Variants in ADAMTS12 observed in about 807,000 individuals in gnomAD.
ADAMTS12 encodes the protein ADAM metallopeptidase with thrombospondin type 1 motif 12.
ADAMTS12 carries 118 observed loss-of-function variants against 167.8 expected under a neutral mutation model. That is an observed-to-expected ratio of 0.70 (90% CI 0.61 to 0.82). The LOEUF (loss-of-function observed/expected upper bound fraction) is 0.82, where lower values mean the gene tolerates loss of function less well. Ranked by LOEUF, ADAMTS12 falls within the 40% of genes least tolerant of loss-of-function variation. The pLI is 0.00. For missense variants in ADAMTS12, 1,916 were observed against 1,998.8 expected (o/e 0.96, Z 0.79); for synonymous variants, 704 against 716.9 (o/e 0.98, Z 0.29).
chr5:33,702,405 T>A (rs186958571), intron 3 of ADAMTS12, among the ~76,000 whole-genome samples: 48 of 152,366 alleles, frequency 3.2e-4, no homozygotes, highest in African/African-American at 1.1e-3. Flanking sequence ...TGTGCCCATC[T>A]GAGTTCTCTT....
intron 5 of ADAMTS12, among the ~76,000 whole-genome samples, chr5:33,664,393 A>G (rs184395092): frequency 9.1e-4 from 139 of 152,320 alleles, no homozygotes; most frequent in African/African-American, 3.2e-3. Context: ...GATTTTTGAC[A>G]AAGGTAAAAA....
At chr5:33,767,953 A>T (rs1393677935) in intron 2 of ADAMTS12, among the ~76,000 whole-genome samples, 1 of 152,208 alleles carries the variant, frequency 6.6e-6, no homozygotes, top group Admixed American at 6.5e-5. Context: ...CATGAAATAA[A>T]CTCACTAATA....
intron 5 of ADAMTS12, among the ~76,000 whole-genome samples, chr5:33,681,090 T>A (rs1561211396): frequency 6.6e-6 from 1 of 152,216 alleles, no homozygotes; most frequent in East Asian, 1.9e-4. Flanking sequence ...ATAGGTTTCA[T>A]GTTGCCTGTT....
At chr5:33,779,453 TG>T (rs1227373470) in intron 2 of ADAMTS12, among the ~76,000 whole-genome samples, 1 of 152,162 alleles carries the variant, frequency 6.6e-6, no homozygotes, top group African/African-American at 2.4e-5. Flanking sequence ...CCCAAAGTGC[TG>T]GGATTACAGG....
At chr5:33,705,265 T>C (rs1743150818) in intron 3 of ADAMTS12, among the ~76,000 whole-genome samples, 1 of 111,086 alleles carries the variant, frequency 9.0e-6, no homozygotes, top group African/African-American at 3.5e-5. Flanking sequence ...TAGTATTCCA[T>C]GGTGTGTGTG....
At chr5:33,648,547 GTGTGA>G (rs1180397343) in intron 9 of ADAMTS12, among the ~76,000 whole-genome samples, 1 of 152,190 alleles carries the variant, frequency 6.6e-6, no homozygotes, top group African/African-American at 2.4e-5. Context: ...GAGTCTGCAG[GTGTGA>G]ATCACTGTGA....
Position 33,882,311 on chromosome 5 carries a change from G to A in ADAMTS12, c.128-831C>T, listed in dbSNP as rs573168272. Reference sequence around the variant, plus strand: ...CAGCAAAGAGTGCATAAAAGAAGCTGGGTTTTAAAAAAGTGTTTACCAAAT... The same window carrying A: ...CAGCAAAGAGTGCATAAAAGAAGCTAGGTTTTAAAAAAGTGTTTACCAAAT... On this transcript the variant is annotated intron_variant, in intron 1 of 23. Transcript: ENST00000504830. Among the ~76,000 whole-genome samples, 15 of 152,222 alleles carry A rather than the reference G, an allele frequency of 9.9e-5. No homozygotes were observed. In the East Asian group the frequency reaches 2.9e-3, roughly 29 times the overall value.
At chr5:33,605,293 T>A (rs1302830202) in intron 16 of ADAMTS12, among the ~76,000 whole-genome samples, 1 of 152,264 alleles carries the variant, frequency 6.6e-6, no homozygotes, top group Non-Finnish European at 1.5e-5. Flanking sequence ...CTAGCCACTG[T>A]ATTATTTCCC....
chr5:33,701,155 G>A (rs1214694719), intron 3 of ADAMTS12, among the ~76,000 whole-genome samples: 1 of 147,882 alleles, frequency 6.8e-6, no homozygotes, highest in Non-Finnish European at 1.5e-5. Context: ...ATAAATAAAT[G>A]AAAACAAGAT....
chr5:33,801,146 C>T (rs1209647894), intron 2 of ADAMTS12, among the ~76,000 whole-genome samples: 1 of 152,184 alleles, frequency 6.6e-6, no homozygotes, highest in African/African-American at 2.4e-5. Flanking sequence ...AGAGGGAGTG[C>T]AGTCTTGCTA....
intron 2 of ADAMTS12, among the ~76,000 whole-genome samples, chr5:33,771,975 G>A (rs1745755818): frequency 6.6e-6 from 1 of 151,918 alleles, no homozygotes; most frequent in Non-Finnish European, 1.5e-5. Flanking sequence ...TCCCACCTCA[G>A]CCTACCAAAC....
intron 2 of ADAMTS12, among the ~76,000 whole-genome samples, chr5:33,868,198 T>TA (rs1193785135): frequency 1.3e-5 from 2 of 152,150 alleles, no homozygotes; most frequent in Non-Finnish European, 2.9e-5. Flanking sequence ...AATGGACTAA[T>TA]ATAGAAAATT....
At chr5:33,559,045 C>T (rs1458205296) in intron 20 of ADAMTS12, among the ~76,000 whole-genome samples, 2 of 152,154 alleles carry the variant, frequency 1.3e-5, no homozygotes, top group African/African-American at 2.4e-5. Context: ...CAGTAGCCTC[C>T]CATGTTCCTG....
At chr5:33,622,631 G>A (rs1199276777) in intron 14 of ADAMTS12, among the ~76,000 whole-genome samples, 1 of 152,158 alleles carries the variant, frequency 6.6e-6, no homozygotes, top group African/African-American at 2.4e-5. Context: ...CCACCCTGGC[G>A]ACAGGGCGAG....
intron 2 of ADAMTS12, among the ~76,000 whole-genome samples, chr5:33,772,054 C>T (rs181526915): frequency 2.6e-5 from 4 of 152,128 alleles, no homozygotes; most frequent in African/African-American, 9.6e-5. Context: ...TATGGGGCCT[C>T]ACTATGTGAC....
At chr5:33,750,360 A>G (rs1430795265) in intron 3 of ADAMTS12, among the ~76,000 whole-genome samples, 1 of 152,216 alleles carries the variant, frequency 6.6e-6, no homozygotes, top group African/African-American at 2.4e-5. Flanking sequence ...ATGATAGACG[A>G]AACTCCCAGG....
At chr5:33,849,231 ATATG>A (rs1749092056) in intron 2 of ADAMTS12, among the ~76,000 whole-genome samples, 8 of 112,288 alleles carry the variant, frequency 7.1e-5, no homozygotes, top group African/African-American at 2.4e-4. Flanking sequence ...CAATATATAT[ATATG>A]TATTGCATAG....
intron 3 of ADAMTS12, among the ~76,000 whole-genome samples, chr5:33,732,533 C>G (rs1744231543): frequency 6.6e-6 from 1 of 152,086 alleles, no homozygotes; most frequent in Admixed American, 6.6e-5. Flanking sequence ...ATCAGTGGTT[C>G]AAAATCTGAC....
At chr5:33,780,425 A>AT (rs1746084017) in intron 2 of ADAMTS12, among the ~76,000 whole-genome samples, 1 of 152,128 alleles carries the variant, frequency 6.6e-6, no homozygotes, top group Non-Finnish European at 1.5e-5. Context: ...ATTCAATGAT[A>AT]TTTTTACAAA....
Sources: allele counts gnomAD v4.1 joint callset (sites outside exome capture counted in the v4.1 genomes callset), GRCh38; gene constraint gnomAD v4.1.1; transcripts MANE v1.5; gene names NCBI Gene and HGNC (gene_info 2026-07-23, HGNC 2026-07-21).